GALNT7: variants seen among roughly 807,000 people sequenced by gnomAD.
GALNT7 encodes N-acetylgalactosaminyltransferase 7.
Under a neutral mutation model 82.1 loss-of-function variants are expected in GALNT7, and 60 were observed. The observed-to-expected ratio is 0.73, with a 90% confidence interval of 0.59 to 0.91. GALNT7 has a LOEUF of 0.91. Among genes scored for constraint, GALNT7 ranks in the 40% least tolerant of loss-of-function variants. GALNT7 has a pLI of 0.00. For missense variants in GALNT7, 660 were observed against 804.2 expected (o/e 0.82, Z 2.17); for synonymous variants, 243 against 275.1 (o/e 0.88, Z 1.15).
chr4:173,222,760 G>A (rs1343061373), intron 1 of GALNT7, among the ~76,000 whole-genome samples: 4 of 152,240 alleles, frequency 2.6e-5, no homozygotes, highest in Middle Eastern at 3.4e-3. Flanking sequence ...TTAATGGAAG[G>A]CATTGGCTGT....
intron 1 of GALNT7, among the ~76,000 whole-genome samples, chr4:173,235,578 CAG>C (rs1254754163): frequency 2.2e-5 from 3 of 135,658 alleles, no homozygotes; most frequent in Non-Finnish European, 3.1e-5. Context: ...TTTCTTGAGA[CAG>C]AGTCTTGCTC....
chr4:173,266,868 GGTGTGT>G (rs71596614), intron 2 of GALNT7, among the ~76,000 whole-genome samples: 3,530 of 95,072 alleles, frequency 0.037, 97 homozygotes, highest in Middle Eastern at 0.079. Flanking sequence ...GGCTGGGAAG[GGTGTGT>G]GTGTGTGTGT....
At position 173,317,623 on chromosome 4, in the gene GALNT7, C is replaced by T; in HGVS notation, c.1609-11C>T. ...GTTGCCTGCTTTTTGCGTCTTTATT[C>T]ATTTTTTTAGATCAGAGGCTTCGAA... On this transcript the variant is annotated splice_polypyrimidine_tract_variant and intron_variant, in intron 9 of 11. Coordinates refer to ENST00000265000, the MANE Select transcript of GALNT7 (RefSeq NM_017423.3). 6.4e-7 allele frequency: 1 copy of T among 1,554,312 alleles called. No individual in the cohort carries two copies. The highest frequency in any genetic ancestry group is 1.7e-5 in the Admixed American group (1 of 59,634).
Position 173,302,061 on chromosome 4 carries a change from C to T in GALNT7, c.1163C>T (p.Ala388Val). 6.4e-7 allele frequency: 1 copy of T among 1,556,374 alleles called. No homozygotes were observed. The highest frequency in any genetic ancestry group is 2.2e-5 in the East Asian group (1 of 44,570). Reference sequence around the variant, plus strand: ...CTTTTTCTTAGGTCCCCAGCCATGGCTGGGGGATTATTTGCCATTGAACGA... The same window carrying T: ...CTTTTTCTTAGGTCCCCAGCCATGGTTGGGGGATTATTTGCCATTGAACGA... ...KTEPYRSPAM[A>V]GGLFAIEREF... Residue 388 changes from alanine to valine, a missense_variant, in exon 7 of 12, where the codon GCT becomes GTT. Coordinates refer to ENST00000265000, the MANE Select transcript of GALNT7 (RefSeq NM_017423.3). This position sits in a 1 kb window ranked among gnomAD's most constrained non-coding sequence, Gnocchi z 4.2.
At chr4:173,254,681 A>T (rs1206502794) in intron 2 of GALNT7, among the ~76,000 whole-genome samples, 1 of 152,216 alleles carries the variant, frequency 6.6e-6, no homozygotes, top group Non-Finnish European at 1.5e-5. Context: ...TGACCATCCA[A>T]ACTAATTGAT....
intron 1 of GALNT7, among the ~76,000 whole-genome samples, chr4:173,217,925 A>G (rs2126682808): frequency 6.6e-6 from 1 of 152,342 alleles, no homozygotes; most frequent in Non-Finnish European, 1.5e-5. Context: ...AGATAAAAAA[A>G]TGCTAAGGGT....
Position 173,305,697 on chromosome 4 carries a change from A to G in GALNT7, c.1389+1579A>G, listed in dbSNP as rs533240344. 2.4e-4 allele frequency among the ~76,000 whole-genome samples: 37 copies of G among 152,258 alleles called. No individual in the cohort carries two copies. In the South Asian group the frequency reaches 7.3e-3, roughly 30 times the overall value. On this transcript the variant is annotated intron_variant, in intron 8 of 11. Coordinates refer to ENST00000265000, the MANE Select transcript of GALNT7 (RefSeq NM_017423.3). Reference sequence around the variant, plus strand: ...TTCTCAGCATCTACCTTGAAAATCAATTGACCATAAATGCGTGGATTATTT... The same window carrying G: ...TTCTCAGCATCTACCTTGAAAATCAGTTGACCATAAATGCGTGGATTATTT...
At chr4:173,230,440 A>C (rs1217289006) in intron 1 of GALNT7, among the ~76,000 whole-genome samples, 1 of 152,208 alleles carries the variant, frequency 6.6e-6, no homozygotes, top group Non-Finnish European at 1.5e-5. Context: ...GTAAAATTAG[A>C]ATATTGCTTC....
chr4:173,246,042 G>T (rs1734619730), intron 1 of GALNT7, among the ~76,000 whole-genome samples: 2 of 152,132 alleles, frequency 1.3e-5, no homozygotes, highest in South Asian at 4.1e-4. Flanking sequence ...TCTATTTAGG[G>T]GGGAACTTGT....
In GALNT7 at chr4:173,249,938, A is replaced by T. The variant is rs192791862; in HGVS notation, c.587+1498A>T. ...CTCAGTCAGATCCCTCATCTCTGTT[A>T]CAGAGGTGCTTTGCGAAATGACTGG... is the stretch of plus-strand genomic sequence containing the variant. On this transcript the variant is annotated intron_variant, in intron 2 of 11. Coordinates refer to ENST00000265000, the MANE Select transcript of GALNT7 (RefSeq NM_017423.3). Among the ~76,000 whole-genome samples, 42 of 152,266 alleles carry T rather than the reference A, an allele frequency of 2.8e-4. 1 individual carries two copies. In the East Asian group the frequency reaches 5.2e-3, roughly 19 times the overall value.
At chr4:173,251,277 C>T (rs573346729) in intron 2 of GALNT7, among the ~76,000 whole-genome samples, 1 of 152,276 alleles carries the variant, frequency 6.6e-6, no homozygotes, top group African/African-American at 2.4e-5. Flanking sequence ...GTTACCTAAA[C>T]GTTAAGACAG....
chr4:173,182,156 T>A (rs1353971940), intron 1 of GALNT7, among the ~76,000 whole-genome samples: 1 of 152,216 alleles, frequency 6.6e-6, no homozygotes, highest in Admixed American at 6.5e-5. Flanking sequence ...AACTACTTCT[T>A]TAGCTTAAGT....
chr4:173,313,940 T>C lies in GALNT7; in HGVS notation c.1390-18T>C. ...GTATTTTTATAACGATATATATATA[T>C]ATATTTTTTTTTTACAGAATTATGT... On this transcript the variant is annotated intron_variant, in intron 8 of 11. Transcript: ENST00000265000. 9.2e-7 allele frequency: 1 copy of C among 1,083,392 alleles called. No individual in the cohort carries two copies. Among genetic ancestry groups the C allele is most frequent in the Non-Finnish European group, 1.4e-6 (1 of 739,124 alleles). 67.1% of individuals were successfully genotyped at this position (1,083,392 alleles called of 1,614,324 possible).
intron 6 of GALNT7, 44 bp downstream of exon 6, chr4:173,298,341 T>C (rs376583000): frequency 4.6e-6 from 6 of 1,304,468 alleles, no homozygotes; most frequent in Non-Finnish European, 6.3e-6. Flanking sequence ...CTCCAGTTGC[T>C]GCTAACCTAT....
chr4:173,297,715 C>T, intron 5 of GALNT7: 1 of 610,084 alleles, frequency 1.6e-6, no homozygotes, highest in Non-Finnish European at 2.5e-6. Context: ...AAATCAACAA[C>T]AAAAAGAGAT....
chr4:173,176,469 T>C (rs906551895), intron 1 of GALNT7, among the ~76,000 whole-genome samples: 1 of 152,202 alleles, frequency 6.6e-6, no homozygotes, highest in African/African-American at 2.4e-5. Flanking sequence ...GGTTGGATGG[T>C]AAATTATATG....
chr4:173,215,395 T>A (rs11728181), intron 1 of GALNT7, among the ~76,000 whole-genome samples: 17,756 of 152,062 alleles, frequency 0.12, 1,193 homozygotes, highest in Middle Eastern at 0.17. Context: ...CATGCCTGGC[T>A]ACTTTTTGTA....
chr4:173,301,952 A>T, intron 6 of GALNT7, 95 bp from the exon 7 acceptor site: 1 of 667,988 alleles, frequency 1.5e-6, no homozygotes, highest in Non-Finnish European at 2.7e-6. Context: ...TCTTCTATGC[A>T]TTTTCAGGCT....
At chr4:173,197,846 A>C (rs961995788) in intron 1 of GALNT7, among the ~76,000 whole-genome samples, 5 of 152,194 alleles carry the variant, frequency 3.3e-5, no homozygotes, top group Admixed American at 6.5e-5. Flanking sequence ...TCTTCTTGGC[A>C]GCTGGGTCGA....
Sources: gnomAD v4.1 joint callset for allele counts (sites outside exome capture counted in the v4.1 genomes callset) on GRCh38, gnomAD v4.1.1 for gene constraint, Gnocchi (gnomAD v3.1) non-coding constraint, MANE v1.5 for transcripts, NCBI Gene and HGNC (gene_info 2026-07-23, HGNC 2026-07-21) for gene names.